ISY1: variants seen among roughly 807,000 people sequenced by gnomAD.
The protein encoded by ISY1 is ISY1 spliceosome associated protein, also known as pre-mRNA-splicing factor ISY1 homolog.
In ISY1, 12 loss-of-function variants were observed where a neutral mutation model predicts 54.4. The observed-to-expected ratio is 0.22, with a 90% confidence interval of 0.14 to 0.36. ISY1 has a LOEUF of 0.36. Among genes scored for constraint, ISY1 ranks in the 10% least tolerant of loss-of-function variants. The pLI is 1.00. For synonymous variants in ISY1, 96 were observed against 117.9 expected (o/e 0.81, Z 1.20); for missense variants, 282 against 342.2 (o/e 0.82, Z 1.39).
chr3:129,158,156 ACT>A (rs1937200980), intron 3 of ISY1, among the ~76,000 whole-genome samples: 1 of 128,884 alleles, frequency 7.8e-6, no homozygotes, highest in African/African-American at 3.0e-5. Context: ...ACTGCACCCT[ACT>A]TTTTTTTTTT....
chr3:129,137,063 T>C, intron 7 of ISY1: 1 of 155,674 alleles, frequency 6.4e-6, no homozygotes, highest in Non-Finnish European at 1.4e-5. Context: ...CCCAGCTAAT[T>C]TTTTGTATTT....
chr3:129,145,622 G>A (rs1233282704), intron 6 of ISY1, 139 bp downstream of exon 6: 3 of 736,588 alleles, frequency 4.1e-6, no homozygotes, highest in Non-Finnish European at 6.6e-6. Flanking sequence ...TGCATGTGCT[G>A]TGAGGTCTTC....
chr3:129,145,722 A>G (rs746898419), intron 6 of ISY1, 39 bp downstream of exon 6: 1 of 1,600,348 alleles, frequency 6.2e-7, no homozygotes, highest in Non-Finnish European at 8.5e-7. Flanking sequence ...TGGGTGGAAA[A>G]CTAGACAAGA....
intron 7 of ISY1, among the ~76,000 whole-genome samples, chr3:129,138,905 T>G (rs535233587): frequency 1.3e-5 from 2 of 151,794 alleles, no homozygotes; most frequent in Non-Finnish European, 2.9e-5. Context: ...TGTGAAAATG[T>G]GAGTGGTTTT....
chr3:129,153,317 C>T (rs1470403388), intron 5 of ISY1, among the ~76,000 whole-genome samples: 1 of 152,088 alleles, frequency 6.6e-6, no homozygotes, highest in Non-Finnish European at 1.5e-5. Context: ...GCCCCAATTT[C>T]TTTAACAGAT....
At chr3:129,146,452 C>T (rs902026755) in intron 5 of ISY1, among the ~76,000 whole-genome samples, 4 of 152,046 alleles carry the variant, frequency 2.6e-5, no homozygotes, top group Non-Finnish European at 4.4e-5. Flanking sequence ...TTAATGAACC[C>T]TAATATGTTG....
At chr3:129,156,553 A>T in intron 5 of ISY1, 80 bp downstream of exon 5, 1 of 1,424,570 alleles carries the variant, frequency 7.0e-7, no homozygotes, top group Non-Finnish European at 9.7e-7. Context: ...TCTATTGATT[A>T]TTTTGAAAGG....
intron 5 of ISY1, among the ~76,000 whole-genome samples, chr3:129,148,079 T>G (rs527244431): frequency 2.0e-4 from 30 of 152,244 alleles, no homozygotes; most frequent in Non-Finnish European, 3.7e-4. Context: ...CCTCCCACCT[T>G]GGTCTCCCAA....
intron 5 of ISY1, among the ~76,000 whole-genome samples, chr3:129,149,634 TATAC>T (rs1459796461): frequency 2.6e-4 from 21 of 81,288 alleles, no homozygotes; most frequent in African/African-American, 1.2e-3. Flanking sequence ...TATATATATA[TATAC>T]ACAAAAAAAA....
In ISY1 at chr3:129,138,490, T is replaced by A. The variant is rs545447732; in HGVS notation, c.418+1878A>T. ...CTCTACTAAAAATACAAAAAAAAAATAAAATTAGCTGGGCATGGTGGCAGA... is the reference window on the plus strand; with the variant it reads ...CTCTACTAAAAATACAAAAAAAAAAAAAAATTAGCTGGGCATGGTGGCAGA... On this transcript the variant is annotated intron_variant, in intron 7 of 10. Transcript: ENST00000393295. Among the ~76,000 whole-genome samples, 99 of 147,910 alleles carry A rather than the reference T, an allele frequency of 6.7e-4. 4 individuals are homozygous for A. In the South Asian group the frequency reaches 0.021, roughly 31 times the overall value.
chr3:129,136,775 C>T (rs371937506), intron 7 of ISY1, among the ~76,000 whole-genome samples: 11 of 151,734 alleles, frequency 7.2e-5, no homozygotes, highest in East Asian at 3.9e-4. Context: ...CTGCAAGCTC[C>T]GCCTCCTGGG....
intron 7 of ISY1, among the ~76,000 whole-genome samples, chr3:129,139,602 G>A (rs559363251): frequency 7.7e-4 from 112 of 145,338 alleles, no homozygotes; most frequent in Middle Eastern, 3.5e-3. Flanking sequence ...AGGAAAGGTG[G>A]GTGTGCCCTA....
intron 1 of ISY1, among the ~76,000 whole-genome samples, chr3:129,160,202 G>C (rs1937263281): frequency 6.6e-6 from 1 of 152,032 alleles, no homozygotes; most frequent in African/African-American, 2.4e-5. Flanking sequence ...TTGGGAGCTT[G>C]TGCTCATCAA....
intron 5 of ISY1, among the ~76,000 whole-genome samples, chr3:129,147,896 T>A (rs562530111): frequency 6.6e-6 from 1 of 152,302 alleles, no homozygotes; most frequent in East Asian, 1.9e-4. Context: ...TTTTGAGTTT[T>A]GTTTCTTTCA....
In ISY1 at chr3:129,159,013, C is replaced by CAT. The variant is rs1937225974; in HGVS notation, c.26+139_26+140dup. ...ATGGGCAAAAACAGGAATGTTTTTG[C>CAT]ATATGTAAGAACATAACATATGTAA... On this transcript the variant is annotated intron_variant, in intron 2 of 10. Transcript: ENST00000393295. 4.5e-6 allele frequency: 5 copies of CAT among 1,110,048 alleles called. No individual in the cohort carries two copies. In the South Asian group the frequency reaches 7.1e-5, roughly 16 times the overall value. The allele number at this position is 1,110,048 out of a possible 1,614,324, so 68.8% of individuals were successfully genotyped here.
chr3:129,149,842 C>T (rs1266813262), intron 5 of ISY1, among the ~76,000 whole-genome samples: 2 of 147,322 alleles, frequency 1.4e-5, no homozygotes, highest in Non-Finnish European at 3.0e-5. Flanking sequence ...GGCATGGTGG[C>T]ATGCGTCTGC....
At chr3:129,131,406 A>G (rs1191194595) in intron 9 of ISY1, among the ~76,000 whole-genome samples, 1 of 152,222 alleles carries the variant, frequency 6.6e-6, no homozygotes, top group Non-Finnish European at 1.5e-5. Flanking sequence ...GACACAAAAG[A>G]GTACACACGA....
intron 5 of ISY1, among the ~76,000 whole-genome samples, chr3:129,152,090 C>A (rs1936988362): frequency 6.6e-6 from 1 of 151,680 alleles, no homozygotes; most frequent in Admixed American, 6.6e-5. Context: ...ACCTGAGAGG[C>A]GGAGGTTGCA....
In ISY1 at chr3:129,134,051, C is replaced by T. The variant is rs1560013507; in HGVS notation, c.663+23G>A. On this transcript the variant is annotated intron_variant, in intron 9 of 10. Transcript: ENST00000393295. ...GGCTTGGAACAGATGGCAGTGAGTG[C>T]CAGAGGGGGCCAACCCCAATACCTC... 3 of 1,613,324 alleles carry T rather than the reference C, an allele frequency of 1.9e-6. No homozygotes were observed. In the East Asian group the frequency reaches 6.7e-5, roughly 36 times the overall value.
Sources: allele counts gnomAD v4.1 joint callset (sites outside exome capture counted in the v4.1 genomes callset), GRCh38; gene constraint gnomAD v4.1.1; transcripts MANE v1.5; gene names NCBI Gene and HGNC (gene_info 2026-07-23, HGNC 2026-07-21).